CEMIP: variants seen among roughly 807,000 people sequenced by gnomAD.
CEMIP encodes cell migration inducing hyaluronidase 1, also known as cell migration-inducing and hyaluronan-binding protein.
A neutral mutation model predicts 156.9 loss-of-function variants in CEMIP; 105 were observed. The observed-to-expected ratio is 0.67, with a 90% CI of 0.57 to 0.79. The LOEUF (loss-of-function observed/expected upper bound fraction) is 0.79, where lower values mean the gene tolerates loss of function less well. Ranked by LOEUF, CEMIP falls within the 30% of genes least tolerant of loss-of-function variation. CEMIP has a pLI of 0.00. For missense variants in CEMIP, 1,457 were observed against 1,769.4 expected (o/e 0.82, Z 3.17); for synonymous variants, 676 against 668.4 (o/e 1.01, Z -0.17).
intron 8 of CEMIP, 61 bp downstream of exon 8, chr15:80,887,825 G>GATCA: frequency 7.4e-7 from 1 of 1,351,470 alleles, no homozygotes; most frequent in Non-Finnish European, 1.1e-6. Context: ...AAGAGGTGCA[G>GATCA]GGCTTTTCTG....
At chr15:80,827,009 A>T (rs1897052236) in intron 1 of CEMIP, among the ~76,000 whole-genome samples, 1 of 152,224 alleles carries the variant, frequency 6.6e-6, no homozygotes, top group Non-Finnish European at 1.5e-5. Flanking sequence ...AATAAGAAGC[A>T]GGACTGAGGA....
At chr15:80,830,104 C>T (rs1474179532) in intron 1 of CEMIP, among the ~76,000 whole-genome samples, 2 of 152,114 alleles carry the variant, frequency 1.3e-5, no homozygotes, top group African/African-American at 4.8e-5. Context: ...CCGCTCTACA[C>T]AAATGACTCC....
At chr15:80,791,191 A>G (rs1896072775) in intron 1 of CEMIP, among the ~76,000 whole-genome samples, 3 of 151,976 alleles carry the variant, frequency 2.0e-5, no homozygotes. Flanking sequence ...GCAGGGCTGT[A>G]GATCCTTAAA....
intron 1 of CEMIP, among the ~76,000 whole-genome samples, chr15:80,811,283 T>C (rs1896666424): frequency 6.6e-6 from 1 of 152,214 alleles, no homozygotes; most frequent in African/African-American, 2.4e-5. Flanking sequence ...CTGAATGAAA[T>C]CCTGCAAGTT....
intron 1 of CEMIP, among the ~76,000 whole-genome samples, chr15:80,865,440 A>C (rs1898099247): frequency 6.6e-6 from 1 of 152,060 alleles, no homozygotes; most frequent in African/African-American, 2.4e-5. Flanking sequence ...TCGGCCTCCC[A>C]AAGTGCTGGG....
At chr15:80,836,690 C>T (rs1897278378) in intron 1 of CEMIP, among the ~76,000 whole-genome samples, 1 of 152,202 alleles carries the variant, frequency 6.6e-6, no homozygotes, top group African/African-American at 2.4e-5. Flanking sequence ...CAGCCTTACC[C>T]TCTACCTCCA....
At chr15:80,889,169 G>A (rs1276291375) in intron 9 of CEMIP, among the ~76,000 whole-genome samples, 1 of 152,262 alleles carries the variant, frequency 6.6e-6, no homozygotes, top group African/African-American at 2.4e-5. Flanking sequence ...CCTAGTTGCA[G>A]TCCTTGGATA....
intron 1 of CEMIP, among the ~76,000 whole-genome samples, chr15:80,838,885 G>C (rs1259538879): frequency 6.6e-6 from 1 of 152,198 alleles, no homozygotes; most frequent in Non-Finnish European, 1.5e-5. Flanking sequence ...GACCCTGTGT[G>C]GCTCCAAAAT....
intron 3 of CEMIP, among the ~76,000 whole-genome samples, 156 bp from the exon 4 acceptor site, chr15:80,878,565 T>A (rs1314284920): frequency 6.6e-6 from 1 of 152,244 alleles, no homozygotes; most frequent in Non-Finnish European, 1.5e-5. Flanking sequence ...GCCTCCTATG[T>A]CAGGAGGTCT....
intron 1 of CEMIP, among the ~76,000 whole-genome samples, chr15:80,789,207 C>T (rs1896019121): frequency 6.6e-6 from 1 of 152,184 alleles, no homozygotes; most frequent in African/African-American, 2.4e-5. Flanking sequence ...ACAAGGCAGA[C>T]AAGCCCTTTG....
intron 1 of CEMIP, among the ~76,000 whole-genome samples, chr15:80,813,835 A>G (rs1896725798): frequency 6.6e-6 from 1 of 152,160 alleles, no homozygotes; most frequent in Non-Finnish European, 1.5e-5. Flanking sequence ...ATTTATATCA[A>G]TTACTGCTAT....
At chr15:80,905,372 C>G (rs760739728) in intron 12 of CEMIP, among the ~76,000 whole-genome samples, 69 of 152,200 alleles carry the variant, frequency 4.5e-4, no homozygotes, top group Non-Finnish European at 6.5e-4. Context: ...GAATTTAGAG[C>G]CCGCCTAAGA....
Position 80,779,609 on chromosome 15 carries a change from C to G in CEMIP, c.-181C>G, listed in dbSNP as rs1344017895. ...GCGTGACACTGTCTCGGCTACAGAC[C>G]CAGAGGTAAGAGGGCCTGGCTGGGG... On this transcript the variant is annotated 5_prime_UTR_variant, in exon 1 of 30. Transcript: ENST00000394685. The G allele has an allele frequency of 6.6e-6, 1 of 152,092 alleles. No individual in the cohort carries two copies. Among genetic ancestry groups the G allele is most frequent in the African/African-American group, 2.4e-5 (1 of 41,432 alleles). 9.4% of individuals were successfully genotyped at this position (152,092 alleles called of 1,614,324 possible). A position where few individuals can be genotyped will look rare whatever the true frequency, so the allele number is the denominator to read the frequency against.
At chr15:80,843,993 T>A (rs897698908) in intron 1 of CEMIP, among the ~76,000 whole-genome samples, 2 of 152,256 alleles carry the variant, frequency 1.3e-5, no homozygotes, top group African/African-American at 4.8e-5. Context: ...CAGTTGAGAA[T>A]GCAGCCCACG....
chr15:80,880,385 G>A (rs2141826202), intron 5 of CEMIP, among the ~76,000 whole-genome samples: 1 of 152,274 alleles, frequency 6.6e-6, no homozygotes. Flanking sequence ...TGGCCCTGAG[G>A]GCTTTATTTT....
At chr15:80,796,676 G>T (rs1168594323) in intron 1 of CEMIP, among the ~76,000 whole-genome samples, 2 of 152,178 alleles carry the variant, frequency 1.3e-5, no homozygotes, top group African/African-American at 4.8e-5. Context: ...TATTGCAGTT[G>T]CTTAGACCAT....
chr15:80,927,564 G>C lies in CEMIP; in HGVS notation c.2421-1338G>C, dbSNP rs1900743919. 2.6e-5 allele frequency among the ~76,000 whole-genome samples: 4 copies of C among 152,190 alleles called. No individual in the cohort carries two copies. The South Asian group carries it at 8.3e-4, about 32-fold the overall frequency. ...AGAGATGGTAAATGCCAGATTTAGG[G>C]CAGCAAGAAAAATTGCGAAGACCCC... is the stretch of plus-strand genomic sequence containing the variant. On this transcript the variant is annotated intron_variant, in intron 19 of 29. Coordinates refer to ENST00000394685, the MANE Select transcript of CEMIP (RefSeq NM_001293298.2).
chr15:80,920,926 G>A (rs1210683873), intron 15 of CEMIP, 106 bp from the exon 16 acceptor site: 2 of 837,746 alleles, frequency 2.4e-6, no homozygotes, highest in Non-Finnish European at 4.1e-6. Context: ...TCTCTGATAA[G>A]AGACTATCAG....
chr15:80,891,058 T>C (rs1037263916), intron 10 of CEMIP, among the ~76,000 whole-genome samples: 2 of 152,234 alleles, frequency 1.3e-5, no homozygotes, highest in Admixed American at 1.3e-4. Context: ...TGTTCCAGCT[T>C]TAATTCTGAA....
Sources: allele counts gnomAD v4.1 joint callset (sites outside exome capture counted in the v4.1 genomes callset), GRCh38; gene constraint gnomAD v4.1.1; transcripts MANE v1.5; gene names NCBI Gene and HGNC (gene_info 2026-07-23, HGNC 2026-07-21).